LUZP2: variants seen among roughly 807,000 people sequenced by gnomAD.
LUZP2 encodes leucine zipper protein 2.
LUZP2 carries 52 observed loss-of-function variants against 51.6 expected under a neutral mutation model. That is an observed-to-expected ratio of 1.01 (90% CI 0.81 to 1.27). The LOEUF (loss-of-function observed/expected upper bound fraction) is 1.27, where lower values mean the gene tolerates loss of function less well. Ranked by LOEUF, LUZP2 falls within the 50% of genes most tolerant of loss-of-function variation. The pLI is 0.00. For missense variants in LUZP2, 436 were observed against 395.4 expected, an observed-to-expected ratio of 1.10 and a Z score of -0.87; for synonymous variants, 154 against 137.3, an observed-to-expected ratio of 1.12 and a Z score of -0.85.
At chr11:24,654,113 A>G (rs1427695907) in intron 1 of LUZP2, among the ~76,000 whole-genome samples, 2 of 152,192 alleles carry the variant, frequency 1.3e-5, no homozygotes, top group Non-Finnish European at 2.9e-5. Context: ...TATACATACA[A>G]AGAGGTCAGC....
chr11:24,793,986 G>C (rs1849478066), intron 5 of LUZP2, among the ~76,000 whole-genome samples: 1 of 151,886 alleles, frequency 6.6e-6, no homozygotes, highest in South Asian at 2.1e-4. Context: ...TTCTAATATT[G>C]AGTCTGAGAA....
chr11:24,931,082 G>A (rs903543422), intron 7 of LUZP2, among the ~76,000 whole-genome samples: 3 of 151,742 alleles, frequency 2.0e-5, no homozygotes, highest in African/African-American at 4.8e-5. Flanking sequence ...ATGGTGGCGC[G>A]TGCCTGTAAT....
intron 4 of LUZP2, among the ~76,000 whole-genome samples, chr11:24,754,957 C>G (rs1019926845): frequency 2.0e-5 from 3 of 152,054 alleles, no homozygotes; most frequent in Admixed American, 6.6e-5. Flanking sequence ...ACCAGCCCGA[C>G]CAACATGGTG....
chr11:24,512,038 G>T (rs576754991), intron 1 of LUZP2, among the ~76,000 whole-genome samples: 1 of 152,276 alleles, frequency 6.6e-6, no homozygotes, highest in African/African-American at 2.4e-5. Context: ...AATAAAGAAA[G>T]TTGAAGGAGT....
intron 9 of LUZP2, among the ~76,000 whole-genome samples, chr11:25,032,367 T>G (rs1857714853): frequency 6.6e-6 from 1 of 152,168 alleles, no homozygotes; most frequent in Non-Finnish European, 1.5e-5. Flanking sequence ...ACACCATGAT[T>G]TTGGACAAGT....
chr11:24,847,450 T>G (rs1407715782), intron 5 of LUZP2, among the ~76,000 whole-genome samples: 1 of 152,172 alleles, frequency 6.6e-6, no homozygotes, highest in Non-Finnish European at 1.5e-5. Context: ...CTGTCTAATG[T>G]TTTATCATGT....
chr11:24,556,245 G>A (rs182578215), intron 1 of LUZP2, among the ~76,000 whole-genome samples: 15 of 152,166 alleles, frequency 9.9e-5, no homozygotes, highest in African/African-American at 2.9e-4. Context: ...TTTTTATTAC[G>A]TTGAAAGTTT....
chr11:24,647,166 T>G (rs1855487142), intron 1 of LUZP2, among the ~76,000 whole-genome samples: 1 of 152,152 alleles, frequency 6.6e-6, no homozygotes, highest in East Asian at 1.9e-4. Context: ...TCACATGGCA[T>G]TTGAAGCTGT....
chr11:24,931,355 T>C (rs1854446888), intron 7 of LUZP2, among the ~76,000 whole-genome samples: 1 of 152,140 alleles, frequency 6.6e-6, no homozygotes, highest in African/African-American at 2.4e-5. Context: ...CTTCTTGTTG[T>C]TTGATTCTAT....
chr11:24,526,931 T>A (rs1341040191), intron 1 of LUZP2, among the ~76,000 whole-genome samples: 1 of 151,402 alleles, frequency 6.6e-6, no homozygotes. Flanking sequence ...CTAAGGGGTC[T>A]TAAACATGAA....
At chr11:24,829,152 C>G (rs1365765858) in intron 5 of LUZP2, among the ~76,000 whole-genome samples, 1 of 152,116 alleles carries the variant, frequency 6.6e-6, no homozygotes, top group East Asian at 1.9e-4. Context: ...CCTGAATAAC[C>G]TGCTTCAGAG....
chr11:24,720,084 T>C (rs1858205561), intron 1 of LUZP2, among the ~76,000 whole-genome samples: 1 of 152,180 alleles, frequency 6.6e-6, no homozygotes, highest in African/African-American at 2.4e-5. Flanking sequence ...GGCATTGAAA[T>C]GGGAACAATT....
intron 1 of LUZP2, among the ~76,000 whole-genome samples, chr11:24,614,217 G>A (rs7110784): frequency 0.45 from 67,826 of 151,590 alleles, 16,945 homozygotes; most frequent in East Asian, 0.56. Context: ...TTGAATCCTC[G>A]TTCTTCCTAC....
intron 7 of LUZP2, among the ~76,000 whole-genome samples, chr11:24,917,262 A>T (rs1475431900): frequency 2.0e-5 from 3 of 151,728 alleles, no homozygotes; most frequent in Admixed American, 1.3e-4. Flanking sequence ...GATTGCAAAA[A>T]TTTTCTCCCA....
In LUZP2 at chr11:24,530,857, G is replaced by A. The variant is rs1299648161; in HGVS notation, c.62+33552G>A. 2.4e-5 allele frequency among the ~76,000 whole-genome samples: 3 copies of A among 124,274 alleles called. No individual in the cohort carries two copies. In the Admixed American group the frequency reaches 3.0e-4, roughly 12 times the overall value. The allele number at this position is 124,274 out of a possible 152,430, so 81.5% of individuals were successfully genotyped here. A position where few individuals can be genotyped will look rare whatever the true frequency, so the allele number is the denominator to read the frequency against. Reference sequence around the variant, plus strand: ...TGTCCCTAAATGGCTGGCTTCTCTTGTTTCATTGCTGGTTCCTCGTTTTCC... The same window carrying A: ...TGTCCCTAAATGGCTGGCTTCTCTTATTTCATTGCTGGTTCCTCGTTTTCC... On this transcript the variant is annotated intron_variant, in intron 1 of 11. Coordinates refer to ENST00000336930, the MANE Select transcript of LUZP2 (RefSeq NM_001009909.4).
chr11:24,594,470 C>T (rs919648805), intron 1 of LUZP2, among the ~76,000 whole-genome samples: 2 of 152,122 alleles, frequency 1.3e-5, no homozygotes, highest in African/African-American at 4.8e-5. Flanking sequence ...AAGAAGCATA[C>T]TCTCAAGTTA....
intron 9 of LUZP2, among the ~76,000 whole-genome samples, chr11:25,030,102 T>C (rs914624620): frequency 2.0e-5 from 3 of 152,138 alleles, no homozygotes; most frequent in African/African-American, 7.2e-5. Context: ...GTTCCCAACC[T>C]TTGTGTGTTT....
intron 9 of LUZP2, among the ~76,000 whole-genome samples, chr11:25,030,962 A>ATATAAT (rs1395052997): frequency 7.0e-4 from 1 of 1,424 alleles, no homozygotes; most frequent in East Asian, 0.033. Flanking sequence ...TATATAATAC[A>ATATAAT]ATATATATTA....
chr11:24,953,770 A>G (rs576269313), intron 7 of LUZP2, among the ~76,000 whole-genome samples: 1 of 152,124 alleles, frequency 6.6e-6, no homozygotes, highest in East Asian at 1.9e-4. Flanking sequence ...TGTTCATCCA[A>G]TACTGATTTA....
Sources: gnomAD v4.1 joint callset for allele counts (sites outside exome capture counted in the v4.1 genomes callset) on GRCh38, gnomAD v4.1.1 for gene constraint, MANE v1.5 for transcripts, NCBI Gene and HGNC (gene_info 2026-07-23, HGNC 2026-07-21) for gene names.